VRK1: variants seen among roughly 807,000 people sequenced by gnomAD.
VRK1 encodes serine/threonine-protein kinase VRK1.
In VRK1, 33 loss-of-function variants were observed where a neutral mutation model predicts 57.1. That is an observed-to-expected ratio of 0.58 (90% CI 0.44 to 0.77). The LOEUF (loss-of-function observed/expected upper bound fraction) is 0.77. VRK1 is among the 30% of genes least tolerant of loss of function. The pLI, the probability that VRK1 is intolerant of heterozygous loss-of-function variation, is 0.00. For synonymous variants in VRK1, 137 were observed against 147.8 expected, an observed-to-expected ratio of 0.93 and a Z score of 0.53; for missense variants, 413 against 477.3, an observed-to-expected ratio of 0.87 and a Z score of 1.25.
intron 1 of VRK1, among the ~76,000 whole-genome samples, chr14:96,810,330 A>G (rs115253569): frequency 0.01 from 1,572 of 152,340 alleles, 29 homozygotes; most frequent in African/African-American, 0.036. Flanking sequence ...AATCAATTCC[A>G]ATGTATCCAT....
chr14:96,881,188 A>G lies in VRK1; in HGVS notation c.1171A>G (p.Arg391Gly), dbSNP rs1889244895. The G allele has an allele frequency of 6.2e-7, 1 of 1,606,318 alleles. No individual in the cohort carries two copies. The highest frequency in any genetic ancestry group is 8.5e-7 in the Non-Finnish European group (1 of 1,175,800). ...EEAIQTRSRT[R>G]KRVQK is the part of the protein sequence containing the mutation. ...GATTTTTCTTCAAGGTTCAAGAACC[A>G]GAAAGAGAGTCCAGAAGTAATTCAG... Residue 391 changes from arginine (R) to glycine (G), a missense_variant, in exon 13 of 13, where the codon AGA (arginine) becomes GGA (glycine). By Grantham distance (125) the Arg-to-Gly change is moderately radical (BLOSUM62 -2). Around this residue, in one of 3 missense-constraint regions of VRK1, gnomAD observed 146 missense variants for 138.2 expected, o/e 1.06. Transcript: ENST00000216639.
chr14:96,821,223 CA>C (rs1244536815), intron 1 of VRK1, among the ~76,000 whole-genome samples: 1 of 152,018 alleles, frequency 6.6e-6, no homozygotes, highest in Non-Finnish European at 1.5e-5. Flanking sequence ...CAGTTCCTGG[CA>C]CATATTTTGG....
chr14:96,872,620 A>G (rs1371024128), intron 11 of VRK1, among the ~76,000 whole-genome samples: 4 of 152,326 alleles, frequency 2.6e-5, no homozygotes, highest in Middle Eastern at 6.8e-3. Context: ...TTGCAATAAG[A>G]ATAAAGAGCT....
intron 2 of VRK1, among the ~76,000 whole-genome samples, chr14:96,834,969 A>G (rs2139752105): frequency 6.6e-6 from 1 of 152,326 alleles, no homozygotes; most frequent in African/African-American, 2.4e-5. Context: ...TTCATTTTAT[A>G]TTAATTTGCT....
At chr14:96,854,265 T>C (rs1393117323) in intron 7 of VRK1, among the ~76,000 whole-genome samples, 1 of 152,186 alleles carries the variant, frequency 6.6e-6, no homozygotes, top group African/African-American at 2.4e-5. Flanking sequence ...TGAAATAGTC[T>C]GGACTTGTAC....
intron 1 of VRK1, among the ~76,000 whole-genome samples, chr14:96,820,701 A>G (rs535362123): frequency 2.1e-4 from 32 of 152,392 alleles, no homozygotes; most frequent in Non-Finnish European, 3.2e-4. Context: ...AAAATGATGT[A>G]TAACATAACC....
At position 96,855,718 on chromosome 14, in the gene VRK1, C is replaced by CTAA. The variant is rs1215272913; in HGVS notation, c.709+362_709+363insTAA. Among the ~76,000 whole-genome samples, 7 of 151,980 alleles carry CTAA rather than the reference C, an allele frequency of 4.6e-5. No homozygotes were observed. The East Asian group carries it at 1.2e-3, about 25-fold the overall frequency. On this transcript the variant is annotated intron_variant, in intron 8 of 12. Coordinates refer to ENST00000216639, the MANE Select transcript of VRK1 (RefSeq NM_003384.3). ...GTAACAGCTAACTTTTATTTTGTTA[C>CTAA]CTGTTAAGTTAGTTTATTTCTTCAG... is the stretch of plus-strand genomic sequence containing the variant.
Position 96,833,538 on chromosome 14 carries a change from T to G in VRK1, c.67T>G (p.Phe23Val), listed in dbSNP as rs779764590. Residue 23 changes from phenylalanine to valine, a missense_variant, in exon 2 of 13, where the codon TTT becomes GTT. Around this residue, in one of 3 missense-constraint regions of VRK1, gnomAD observed 116 missense variants for 113.6 expected, o/e 1.02. Coordinates refer to ENST00000216639, the MANE Select transcript of VRK1 (RefSeq NM_003384.3). ...SSAKRHLAEQ[F>V]AVGEIITDMA... Reference sequence around the variant, plus strand: ...TGCAAAGAGACATCTTGCAGAACAATTTGCAGTTGGAGAGATAATAACTGA... The same window carrying G: ...TGCAAAGAGACATCTTGCAGAACAAGTTGCAGTTGGAGAGATAATAACTGA... 6.2e-7 allele frequency: 1 copy of G among 1,613,816 alleles called. No homozygotes were observed. Among genetic ancestry groups the G allele is most frequent in the East Asian group, 2.2e-5 (1 of 44,856 alleles).
chr14:96,868,186 G>C (rs1888659069), intron 11 of VRK1, among the ~76,000 whole-genome samples: 2 of 152,136 alleles, frequency 1.3e-5, no homozygotes, highest in African/African-American at 4.8e-5. Flanking sequence ...AGGACTCACT[G>C]CTTCTCCAGT....
intron 4 of VRK1, among the ~76,000 whole-genome samples, chr14:96,846,378 A>G (rs180744470): frequency 6.6e-5 from 10 of 152,218 alleles, no homozygotes; most frequent in African/African-American, 2.4e-4. Flanking sequence ...GAATGAAGTT[A>G]ATAATAAATG....
At chr14:96,819,507 T>C (rs987368406) in intron 1 of VRK1, among the ~76,000 whole-genome samples, 35 of 152,190 alleles carry the variant, frequency 2.3e-4, no homozygotes, top group African/African-American at 8.4e-4. Flanking sequence ...GTTCCAAAGT[T>C]CCACTGATAA....
intron 2 of VRK1, 32 bp downstream of exon 2, chr14:96,833,663 C>A: frequency 6.2e-7 from 1 of 1,612,756 alleles, no homozygotes; most frequent in South Asian, 1.1e-5. Flanking sequence ...ATGATCAATC[C>A]AAAGATTTAT....
intron 2 of VRK1, among the ~76,000 whole-genome samples, chr14:96,837,009 C>T (rs1395041975): frequency 5.3e-5 from 8 of 152,166 alleles, no homozygotes. Flanking sequence ...TATAGCACTT[C>T]ACACTGTCAA....
intron 4 of VRK1, 100 bp from the exon 5 acceptor site, chr14:96,847,157 C>T (rs1226392451): frequency 1.1e-6 from 1 of 872,788 alleles, no homozygotes; most frequent in Non-Finnish European, 1.9e-6. Flanking sequence ...CAGGTGAATT[C>T]TTATTGCATG....
intron 5 of VRK1, 82 bp downstream of exon 5, chr14:96,847,426 G>A: frequency 1.8e-6 from 2 of 1,123,238 alleles, no homozygotes; most frequent in Non-Finnish European, 2.7e-6. Flanking sequence ...ATTATTTACT[G>A]ATCACTTACA....
At chr14:96,880,707 C>G (rs980035979) in intron 12 of VRK1, among the ~76,000 whole-genome samples, 1 of 152,214 alleles carries the variant, frequency 6.6e-6, no homozygotes, top group Non-Finnish European at 1.5e-5. Flanking sequence ...CCAGTGCTCT[C>G]CTGCCTCAAG....
chr14:96,867,059 A>G (rs1273704790), intron 11 of VRK1, among the ~76,000 whole-genome samples: 1 of 152,178 alleles, frequency 6.6e-6, no homozygotes, highest in Non-Finnish European at 1.5e-5. Flanking sequence ...TACTGCAGTC[A>G]TCTGGAATTT....
intron 1 of VRK1, among the ~76,000 whole-genome samples, chr14:96,806,387 C>A (rs1408092523): frequency 6.6e-6 from 1 of 152,258 alleles, no homozygotes; most frequent in African/African-American, 2.4e-5. Context: ...TTTCCTCTTT[C>A]TCCTAGCCAG....
At chr14:96,847,233 A>G (rs1251425657) in intron 4 of VRK1, 24 bp from the exon 5 acceptor site, 2 of 1,597,712 alleles carry the variant, frequency 1.3e-6, no homozygotes, top group Non-Finnish European at 1.7e-6. Flanking sequence ...AATTGAAATC[A>G]CAAAGATCTG....
Sources: gnomAD v4.1 joint callset for allele counts (sites outside exome capture counted in the v4.1 genomes callset) on GRCh38, gnomAD v4.1.1 for gene constraint, gnomAD v4.1.1 regional missense constraint, MANE v1.5 for transcripts, NCBI Gene and HGNC (gene_info 2026-07-23, HGNC 2026-07-21) for gene names.